LRRTM4: variants seen among roughly 807,000 people sequenced by gnomAD.
The protein encoded by LRRTM4 is leucine rich repeat transmembrane neuronal 4, also known as leucine-rich repeat transmembrane neuronal protein 4.
LRRTM4 carries 25 observed loss-of-function variants against 47.6 expected under a neutral mutation model. That is an observed-to-expected ratio of 0.53 (90% CI 0.38 to 0.73). The LOEUF (loss-of-function observed/expected upper bound fraction) is 0.73, where lower values mean the gene tolerates loss of function less well. Ranked by LOEUF, LRRTM4 falls within the 30% of genes least tolerant of loss-of-function variation. The probability of loss-of-function intolerance (pLI) is 0.00; values close to 1 mark genes in which losing one functional copy is unlikely to be tolerated. For synonymous variants in LRRTM4, 311 were observed against 269.5 expected (o/e 1.15, Z -1.51); for missense variants, 638 against 713.4 (o/e 0.89, Z 1.20).
At chr2:77,137,630 A>T (rs1401502035) in intron 3 of LRRTM4, among the ~76,000 whole-genome samples, 1 of 152,148 alleles carries the variant, frequency 6.6e-6, no homozygotes, top group Non-Finnish European at 1.5e-5. Flanking sequence ...AACAATATTA[A>T]CCTTAAATGT....
chr2:77,241,302 A>T (rs1276504264), intron 3 of LRRTM4, among the ~76,000 whole-genome samples: 1 of 151,984 alleles, frequency 6.6e-6, no homozygotes, highest in East Asian at 1.9e-4. Flanking sequence ...GATCGCACAA[A>T]GGTATTTGAA....
intron 3 of LRRTM4, among the ~76,000 whole-genome samples, chr2:77,083,960 G>A (rs1007589495): frequency 1.4e-4 from 21 of 151,276 alleles, no homozygotes; most frequent in South Asian, 8.4e-4. Flanking sequence ...GCCCGCCACT[G>A]CGCCTGGCTA....
chr2:77,105,496 C>T (rs1358674784), intron 3 of LRRTM4, among the ~76,000 whole-genome samples: 1 of 123,290 alleles, frequency 8.1e-6, no homozygotes, highest in Admixed American at 1.0e-4. Flanking sequence ...ACATCACACA[C>T]CGGGGCCTGT....
intron 3 of LRRTM4, among the ~76,000 whole-genome samples, chr2:77,056,836 T>C (rs967629672): frequency 6.6e-6 from 1 of 152,202 alleles, no homozygotes; most frequent in Non-Finnish European, 1.5e-5. Context: ...CTTCACACCC[T>C]AAATATCTAT....
intron 3 of LRRTM4, among the ~76,000 whole-genome samples, chr2:77,304,475 A>G (rs1558678796): frequency 6.6e-6 from 1 of 152,108 alleles, no homozygotes; most frequent in South Asian, 2.1e-4. Flanking sequence ...GACCACTTCA[A>G]TGGAACTTCT....
intron 3 of LRRTM4, among the ~76,000 whole-genome samples, chr2:76,824,181 C>A (rs1294355358): frequency 6.6e-6 from 1 of 151,550 alleles, no homozygotes; most frequent in African/African-American, 2.4e-5. Context: ...GTTCAATAGA[C>A]TTTTTTCAAC....
chr2:77,153,215 G>GA (rs1672475424), intron 3 of LRRTM4, among the ~76,000 whole-genome samples: 2 of 152,120 alleles, frequency 1.3e-5, no homozygotes, highest in Non-Finnish European at 2.9e-5. Context: ...AGGTACTGAG[G>GA]TGTGTCAGAT....
intron 3 of LRRTM4, among the ~76,000 whole-genome samples, chr2:76,874,236 G>C (rs1672717559): frequency 6.6e-6 from 1 of 151,866 alleles, no homozygotes; most frequent in Admixed American, 6.6e-5. Context: ...AGTCAAGGAA[G>C]TCTGACTTTG....
rs190741938 is a variant in LRRTM4 at position 76,911,728 on chromosome 2, T to C, written c.1552-162812A>G. 2.2e-3 allele frequency among the ~76,000 whole-genome samples: 335 copies of C among 151,444 alleles called. 6 individuals are homozygous for C. Among genetic ancestry groups the C allele is most frequent in the Non-Finnish European group, 2.8e-4 (19 of 67,942 alleles). ...AGGGAGAGACAGGTAGAAATGTCAG[T>C]AGAAATGGAATAGGCCAATCACTTT... On this transcript the variant is annotated intron_variant, in intron 3 of 3. Coordinates refer to ENST00000409884, the MANE Select transcript of LRRTM4 (RefSeq NM_001134745.3).
chr2:77,424,433 G>GAAT (rs1553442827), intron 3 of LRRTM4, among the ~76,000 whole-genome samples: 1 of 151,816 alleles, frequency 6.6e-6, no homozygotes, highest in African/African-American at 2.4e-5. Flanking sequence ...ATTATACAGT[G>GAAT]AACTGATGAG....
chr2:77,344,302 A>T (rs1369304455), intron 3 of LRRTM4, among the ~76,000 whole-genome samples: 1 of 151,922 alleles, frequency 6.6e-6, no homozygotes, highest in Non-Finnish European at 1.5e-5. Flanking sequence ...ATAAACAGCC[A>T]TTACAATGAT....
chr2:77,008,806 G>A (rs979271624), intron 3 of LRRTM4, among the ~76,000 whole-genome samples: 1 of 151,984 alleles, frequency 6.6e-6, no homozygotes, highest in Non-Finnish European at 1.5e-5. Context: ...CGAGGCGCCG[G>A]CAATGCCTTT....
chr2:77,190,069 T>C (rs908966727), intron 3 of LRRTM4, among the ~76,000 whole-genome samples: 1 of 152,102 alleles, frequency 6.6e-6, no homozygotes, highest in African/African-American at 2.4e-5. Context: ...TTTATTCTCA[T>C]TTTCCAATAA....
At chr2:76,872,823 T>C (rs182458446) in intron 3 of LRRTM4, among the ~76,000 whole-genome samples, 125 of 152,102 alleles carry the variant, frequency 8.2e-4, no homozygotes, top group Non-Finnish European at 1.2e-3. Flanking sequence ...TAATGAGTTA[T>C]TGCTCTACTA....
intron 3 of LRRTM4, among the ~76,000 whole-genome samples, chr2:77,220,884 A>T (rs576144996): frequency 6.6e-6 from 1 of 152,268 alleles, no homozygotes; most frequent in Admixed American, 6.5e-5. Context: ...GAGAAGACCA[A>T]CTCCAAAACA....
chr2:77,522,121 A>C lies in LRRTM4; in HGVS notation c.-160T>G, dbSNP rs1679538413. 1 of 716,198 alleles carries C rather than the reference A, an allele frequency of 1.4e-6. No individual in the cohort carries two copies. The highest frequency in any genetic ancestry group is 2.6e-6 in the Non-Finnish European group (1 of 384,292). The allele number at this position is 716,198 out of a possible 1,614,324, so 44.4% of individuals were successfully genotyped here. A position where few individuals can be genotyped will look rare whatever the true frequency, so the allele number is the denominator to read the frequency against. The stretch of plus-strand genomic sequence containing the variant: ...ATCTTCAGAATACCTGGCATTCCTT[A>C]TTGTGCTGGCTTTTGCCATTCCCAG... On this transcript the variant is annotated 5_prime_UTR_variant, in exon 1 of 4. The change abolishes the stop of an existing upstream ORF in the 5' untranslated region. Coordinates refer to ENST00000409884, the MANE Select transcript of LRRTM4 (RefSeq NM_001134745.3).
chr2:77,496,999 T>G (rs1487436471), intron 3 of LRRTM4, among the ~76,000 whole-genome samples: 1 of 151,800 alleles, frequency 6.6e-6, no homozygotes, highest in Non-Finnish European at 1.5e-5. Flanking sequence ...CTTCAGGTTA[T>G]CTATTTCTTT....
intron 3 of LRRTM4, among the ~76,000 whole-genome samples, chr2:77,348,650 A>G (rs1671654058): frequency 6.6e-6 from 1 of 150,638 alleles, no homozygotes; most frequent in Non-Finnish European, 1.5e-5. Context: ...TTTAAAAAAT[A>G]GCATTTTGCT....
chr2:76,938,098 A>G (rs1252402837), intron 3 of LRRTM4, among the ~76,000 whole-genome samples: 1 of 152,092 alleles, frequency 6.6e-6, no homozygotes, highest in African/African-American at 2.4e-5. Context: ...TTATTTTATA[A>G]AATACTTTCT....
Sources: gnomAD v4.1 joint callset for allele counts (sites outside exome capture counted in the v4.1 genomes callset) on GRCh38, gnomAD v4.1.1 for gene constraint, MANE v1.5 for transcripts, NCBI Gene and HGNC (gene_info 2026-07-23, HGNC 2026-07-21) for gene names.